Variants in EEPD1 observed in about 807,000 individuals in gnomAD.
EEPD1 encodes the protein endonuclease/exonuclease/phosphatase family domain containing 1.
EEPD1 carries 17 observed loss-of-function variants against 46.3 expected under a neutral mutation model. The ratio of observed to expected loss-of-function variants is 0.37; its 90% CI spans 0.25 to 0.55. The LOEUF is 0.55. Among genes scored for constraint, EEPD1 ranks in the 20% least tolerant of loss-of-function variants. The pLI is 0.83. For synonymous variants in EEPD1, 313 were observed against 315.6 expected (o/e 0.99, Z 0.09); for missense variants, 673 against 745.6 (o/e 0.90, Z 1.13).
intron 3 of EEPD1, among the ~76,000 whole-genome samples, chr7:36,280,840 G>T (rs1307279721): frequency 2.6e-5 from 4 of 152,240 alleles, no homozygotes; most frequent in Non-Finnish European, 5.9e-5. Flanking sequence ...GTTTGGGCAG[G>T]AATGCTACAG....
At chr7:36,208,555 A>G (rs1343437047) in intron 2 of EEPD1, among the ~76,000 whole-genome samples, 1 of 152,162 alleles carries the variant, frequency 6.6e-6, no homozygotes, top group Non-Finnish European at 1.5e-5. Context: ...TGTCACTGGA[A>G]TTGAGTGGTC....
chr7:36,289,855 G>A (rs1787401106), intron 6 of EEPD1, among the ~76,000 whole-genome samples: 1 of 152,210 alleles, frequency 6.6e-6, no homozygotes, highest in African/African-American at 2.4e-5. Flanking sequence ...ACCATAGTTT[G>A]TTGCTTATCC....
chr7:36,206,678 G>A (rs976013274), intron 2 of EEPD1, among the ~76,000 whole-genome samples: 1 of 152,168 alleles, frequency 6.6e-6, no homozygotes, highest in Non-Finnish European at 1.5e-5. Flanking sequence ...TAAGTTATAG[G>A]TAATAAGAAT....
rs1291001037 is a variant in EEPD1 at position 36,154,302 on chromosome 7, C to T, written c.-23C>T. 3.1e-6 allele frequency: 5 copies of T among 1,595,226 alleles called. No individual in the cohort carries two copies. Among genetic ancestry groups the T allele is most frequent in the South Asian group, 1.1e-5 (1 of 90,120 alleles). On this transcript the variant is annotated 5_prime_UTR_variant, in exon 2 of 8. Transcript: ENST00000242108. The surrounding 1 kb of genome is among the most constrained non-coding windows in gnomAD (Gnocchi z 4.2). ...CTCTTCTGCAGTGGTGCGGCCTTCC[C>T]GGGAGCCTGATCCTGGCGGACCATG...
rs915925618 is a variant in EEPD1 at position 36,193,760 on chromosome 7, G to T, written c.878+38558G>T. 2.0e-5 allele frequency among the ~76,000 whole-genome samples: 3 copies of T among 152,168 alleles called. No individual in the cohort carries two copies. The highest frequency in any genetic ancestry group is 4.4e-5 in the Non-Finnish European group (3 of 68,024). On this transcript the variant is annotated intron_variant, in intron 2 of 7. Transcript: ENST00000242108. The surrounding 1 kb of genome is among the most constrained non-coding windows in gnomAD (Gnocchi z 4.9). ...TCAGAAACCCAGGCCGTCAGGTCCC[G>T]TGGTCAGCAGGTGGCCAGCGGCAGA...
In EEPD1 at chr7:36,284,726, G is replaced by A. The variant is rs1787317179; in HGVS notation, c.1082G>A (p.Gly361Asp). 6.2e-7 allele frequency: 1 copy of A among 1,610,972 alleles called. No individual in the cohort carries two copies. Among genetic ancestry groups the A allele is most frequent in the African/African-American group, 1.3e-5 (1 of 74,700 alleles). Residue 361 changes from glycine to aspartate, a missense_variant, in exon 5 of 8, where the codon GGC (glycine) becomes GAC (aspartate). Gly to Asp is a moderately conservative substitution (Grantham distance 94). Transcript: ENST00000242108. ...GGATTCCTATGGGACGCGGCTGCCG[G>A]CATGGAGCTGAGAGACGCGGGTTCA... ...YAGFLWDAAA[G>D]MELRDAGSQE...
In EEPD1 at chr7:36,169,599, C is replaced by T. The variant is rs144115219; in HGVS notation, c.878+14397C>T. 5.3e-5 allele frequency among the ~76,000 whole-genome samples: 8 copies of T among 152,284 alleles called. No homozygotes were observed. In the East Asian group the frequency reaches 1.2e-3, roughly 22 times the overall value. Reference sequence around the variant, plus strand: ...AACTTGTTTCTAAGCTGAAAAAATACAAGGTATCTTTGTGTTGATTTCCTT... The same window carrying T: ...AACTTGTTTCTAAGCTGAAAAAATATAAGGTATCTTTGTGTTGATTTCCTT... On this transcript the variant is annotated intron_variant, in intron 2 of 7. Coordinates refer to ENST00000242108, the MANE Select transcript of EEPD1 (RefSeq NM_030636.3).
At chr7:36,214,525 A>C (rs1785994248) in intron 2 of EEPD1, among the ~76,000 whole-genome samples, 1 of 152,008 alleles carries the variant, frequency 6.6e-6, no homozygotes. Flanking sequence ...GTGGCATCTT[A>C]ATTTGGTCTT....
intron 2 of EEPD1, among the ~76,000 whole-genome samples, chr7:36,220,395 G>A (rs1786124002): frequency 6.6e-6 from 1 of 152,198 alleles, no homozygotes; most frequent in African/African-American, 2.4e-5. Context: ...GTACCAGTCA[G>A]AGAGCCCTCC....
intron 2 of EEPD1, among the ~76,000 whole-genome samples, chr7:36,224,512 A>G (rs984333607): frequency 2.6e-5 from 4 of 152,238 alleles, no homozygotes; most frequent in African/African-American, 9.6e-5. Flanking sequence ...TGGAGTTTCT[A>G]TTTTGAAAAA....
At position 36,270,390 on chromosome 7, in the gene EEPD1, T is replaced by C. The variant is rs553718784; in HGVS notation, c.931-10725T>C. Among the ~76,000 whole-genome samples the C allele has an allele frequency of 1.7e-4, 26 of 152,304 alleles. No homozygotes were observed. The South Asian group carries it at 5.0e-3, about 29-fold the overall frequency. ...TTGTTACATAGGTATACACGTGCCA[T>C]GGTGGTTTGCTGAACCCATCAATCC... On this transcript the variant is annotated intron_variant, in intron 3 of 7. Transcript: ENST00000242108.
chr7:36,231,723 C>T (rs181832562), intron 2 of EEPD1, among the ~76,000 whole-genome samples: 11 of 152,022 alleles, frequency 7.2e-5, no homozygotes, highest in Admixed American at 4.6e-4. Context: ...AGAAGAAAGG[C>T]GGGGAGGAAG....
rs558585412 is a variant in EEPD1, at chr7:36,154,629, G to T, written c.305G>T (p.Ser102Ile). The change falls in exon 2 of 8, where the codon AGC becomes ATC. Residue 102 changes from serine (S) to isoleucine (I), a missense_variant. Coordinates refer to ENST00000242108, the MANE Select transcript of EEPD1 (RefSeq NM_030636.3). This position sits in a 1 kb window ranked among gnomAD's most constrained non-coding sequence, Gnocchi z 4.2. ...GTCAAGTTTGAGATCTGTGTGAGCA[G>T]CAAGGGCAGCTCAGCGCAGCACTCT... is the stretch of plus-strand genomic sequence containing the variant. ...EQVKFEICVS[S>I]KGSSAQHSPS... 32 of 1,613,970 alleles carry T rather than the reference G, an allele frequency of 2.0e-5. No homozygotes were observed. The East Asian group carries it at 5.8e-4, about 29-fold the overall frequency.
intron 6 of EEPD1, among the ~76,000 whole-genome samples, chr7:36,293,558 C>T (rs910635123): frequency 3.9e-5 from 6 of 152,116 alleles, no homozygotes; most frequent in African/African-American, 1.2e-4. Flanking sequence ...TGTAGAGCTC[C>T]CCGGCTCCAA....
intron 7 of EEPD1, among the ~76,000 whole-genome samples, chr7:36,297,750 G>A (rs1326227867): frequency 6.6e-6 from 1 of 152,190 alleles, no homozygotes; most frequent in Non-Finnish European, 1.5e-5. Context: ...CAGGAGAAAT[G>A]CTCAGTGCTC....
intron 2 of EEPD1, among the ~76,000 whole-genome samples, chr7:36,237,877 G>A (rs895997705): frequency 2.0e-5 from 3 of 152,174 alleles, no homozygotes; most frequent in Non-Finnish European, 1.5e-5. Flanking sequence ...CTTGAACTCG[G>A]GAGGTGAAGG....
chr7:36,221,910 G>GT (rs1260712391), intron 2 of EEPD1, among the ~76,000 whole-genome samples: 6 of 152,106 alleles, frequency 3.9e-5, no homozygotes, highest in Non-Finnish European at 7.4e-5. Flanking sequence ...GGTCCTCTGT[G>GT]TCCCCCCCAC....
At chr7:36,298,344 GC>G (rs1562716965) in intron 7 of EEPD1, among the ~76,000 whole-genome samples, 2 of 152,144 alleles carry the variant, frequency 1.3e-5, no homozygotes, top group African/African-American at 4.8e-5. Flanking sequence ...GGGAGGAGTT[GC>G]CCCCGCTACA....
In EEPD1 at chr7:36,284,766, A is replaced by T. The variant is rs1787317950; in HGVS notation, c.1122A>T (p.Pro374=). 1.3e-6 allele frequency: 2 copies of T among 1,599,250 alleles called. No homozygotes were observed. The highest frequency in any genetic ancestry group is 3.4e-5 in the Admixed American group (2 of 58,626). The change falls in exon 5 of 8, where the codon CCA becomes CCT. Residue 374 remains proline (P), a synonymous_variant. Transcript: ENST00000242108. Reference sequence around the variant, plus strand: ...ACGCGGGTTCACAGGAGAGCTCGCCAAGCAACGGGCACGGGAAGCTGGCGG... The same window carrying T: ...ACGCGGGTTCACAGGAGAGCTCGCCTAGCAACGGGCACGGGAAGCTGGCGG... The part of the protein sequence containing the change: ...LRDAGSQESS[P]SNGHGKLAGP...
Sources: allele counts gnomAD v4.1 joint callset (sites outside exome capture counted in the v4.1 genomes callset), GRCh38; gene constraint gnomAD v4.1.1; non-coding constraint Gnocchi (gnomAD v3.1); transcripts MANE v1.5; gene names NCBI Gene and HGNC (gene_info 2026-07-23, HGNC 2026-07-21).